FTO: variants seen among roughly 807,000 people sequenced by gnomAD.
FTO encodes the protein FTO alpha-ketoglutarate dependent dioxygenase.
Under a neutral mutation model 63.9 loss-of-function variants are expected in FTO, and 47 were observed. That is an observed-to-expected ratio of 0.74 (90% CI 0.58 to 0.94). The LOEUF (loss-of-function observed/expected upper bound fraction) is 0.94. FTO is among the 40% of genes least tolerant of loss of function. FTO has a pLI of 0.00. For synonymous variants in FTO, 207 were observed against 224.4 expected (o/e 0.92, Z 0.69); for missense variants, 562 against 618.1 (o/e 0.91, Z 0.96).
intron 8 of FTO, among the ~76,000 whole-genome samples, chr16:54,064,866 C>T (rs1421111722): frequency 6.6e-6 from 1 of 152,128 alleles, no homozygotes; most frequent in Admixed American, 6.5e-5. Context: ...CTGAAGGGAG[C>T]TCGGTGGCTG....
chr16:53,751,052 T>A (rs74449711), intron 1 of FTO, among the ~76,000 whole-genome samples: 1 of 152,192 alleles, frequency 6.6e-6, no homozygotes, highest in East Asian at 1.9e-4. Context: ...TTAAAACAGA[T>A]GTGTCCAATC....
intron 3 of FTO, among the ~76,000 whole-genome samples, chr16:53,827,066 A>C (rs1168152221): frequency 6.6e-6 from 1 of 152,212 alleles, no homozygotes; most frequent in African/African-American, 2.4e-5. Flanking sequence ...AGGTTTTGTA[A>C]GCAGACAGTC....
In FTO at chr16:53,825,947, T is replaced by C; in HGVS notation, c.207T>C (p.Phe69=). The C allele has an allele frequency of 5.0e-6, 8 of 1,614,164 alleles. No homozygotes were observed. The highest frequency in any genetic ancestry group is 5.9e-6 in the Non-Finnish European group (7 of 1,180,032). ...TCCATAAAGAGGTTCAAGAAGCCTTTCTCACACTGCACAAGCATGGCTGCT... is the reference window on the plus strand; with the variant it reads ...TCCATAAAGAGGTTCAAGAAGCCTTCCTCACACTGCACAAGCATGGCTGCT... The part of the protein sequence containing the change: ...EELHKEVQEA[F]LTLHKHGCLF... Residue 69 remains phenylalanine, a synonymous_variant, in exon 3 of 9, where the codon TTT becomes TTC. Transcript: ENST00000471389.
intron 4 of FTO, among the ~76,000 whole-genome samples, chr16:53,849,152 C>G (rs1016258697): frequency 3.9e-5 from 6 of 152,170 alleles, no homozygotes; most frequent in Non-Finnish European, 5.9e-5. Flanking sequence ...TATCAGGTAA[C>G]CAGGTCCCAG....
chr16:53,868,546 A>G (rs542861058), intron 4 of FTO, among the ~76,000 whole-genome samples: 21 of 148,154 alleles, frequency 1.4e-4, no homozygotes, highest in Non-Finnish European at 2.2e-4. Context: ...AAGCATAGAT[A>G]GGCACACATA....
rs531331187 is a variant in FTO, at chr16:54,117,115, T to C, written c.*5200T>C. The C allele has an allele frequency of 1.2e-4, 18 of 152,330 alleles. 1 individual carries two copies. The South Asian group carries it at 3.7e-3, about 32-fold the overall frequency. 9.4% of individuals were successfully genotyped at this position (152,330 alleles called of 1,614,324 possible). On this transcript the variant is annotated 3_prime_UTR_variant, in exon 9 of 9. Transcript: ENST00000471389. ...GGATTCCTGAGTGGCAGAAGAGGTT[T>C]TCTGAGTTTAAGTTCTGATTCTGTG...
intron 7 of FTO, among the ~76,000 whole-genome samples, chr16:53,898,402 CT>C (rs1382433681): frequency 1.3e-5 from 2 of 152,138 alleles, no homozygotes; most frequent in African/African-American, 4.8e-5. Context: ...TGACCAAGCA[CT>C]CTCTCATTGT....
intron 1 of FTO, among the ~76,000 whole-genome samples, chr16:53,737,562 T>C (rs1045537628): frequency 8.5e-5 from 13 of 152,240 alleles, no homozygotes; most frequent in African/African-American, 2.4e-4. Flanking sequence ...TGTAATCTTA[T>C]GGAAGTACTG....
intron 1 of FTO, among the ~76,000 whole-genome samples, chr16:53,711,910 G>A (rs2075784954): frequency 6.6e-6 from 1 of 152,166 alleles, no homozygotes; most frequent in Non-Finnish European, 1.5e-5. Context: ...AACTTTAAAT[G>A]ATAAGGTTTA....
At chr16:53,873,699 T>C in intron 4 of FTO, 87 bp from the exon 5 acceptor site, 3 of 985,124 alleles carry the variant, frequency 3.0e-6, no homozygotes, top group Non-Finnish European at 4.8e-6. Context: ...ATAGATTTAC[T>C]GTTTACTTTG....
intron 1 of FTO, among the ~76,000 whole-genome samples, chr16:53,758,604 A>T (rs1198221298): frequency 6.6e-6 from 1 of 152,184 alleles, no homozygotes; most frequent in African/African-American, 2.4e-5. Context: ...TCAGCTTCTG[A>T]TCTGTTTCAT....
chr16:54,066,854 C>A (rs1428158747), intron 8 of FTO, among the ~76,000 whole-genome samples: 1 of 152,234 alleles, frequency 6.6e-6, no homozygotes, highest in Admixed American at 6.5e-5. Flanking sequence ...GGCCTCCCAT[C>A]TCTGCAGCCC....
chr16:53,979,925 A>G (rs1177496523), intron 8 of FTO, among the ~76,000 whole-genome samples: 2 of 152,206 alleles, frequency 1.3e-5, no homozygotes, highest in Non-Finnish European at 2.9e-5. Context: ...TTGCTTCCAC[A>G]GGAAGCCTTA....
chr16:53,953,900 G>A (rs536404010), intron 8 of FTO, among the ~76,000 whole-genome samples: 1 of 152,338 alleles, frequency 6.6e-6, no homozygotes, highest in South Asian at 2.1e-4. Context: ...AATGTGTGGT[G>A]ATGCCAGCTA....
intron 4 of FTO, among the ~76,000 whole-genome samples, chr16:53,865,392 C>G (rs1324163011): frequency 6.6e-6 from 1 of 152,130 alleles, no homozygotes; most frequent in East Asian, 1.9e-4. Context: ...GCTTTTTATC[C>G]TCTATATTGT....
intron 3 of FTO, 132 bp from the exon 4 acceptor site, chr16:53,844,023 A>G (rs2079547852): frequency 1.4e-6 from 1 of 735,378 alleles, no homozygotes; most frequent in Non-Finnish European, 2.2e-6. Context: ...AAAATATGAC[A>G]TAAAGGGAAG....
At chr16:53,781,737 A>T (rs1358476882) in intron 1 of FTO, among the ~76,000 whole-genome samples, 4 of 152,132 alleles carry the variant, frequency 2.6e-5, no homozygotes, top group African/African-American at 9.7e-5. Context: ...TTTGTCACTA[A>T]CATGATTATG....
chr16:53,779,407 T>A (rs1272330304), intron 1 of FTO, among the ~76,000 whole-genome samples: 2 of 152,166 alleles, frequency 1.3e-5, no homozygotes, highest in Non-Finnish European at 2.9e-5. Context: ...TGGTCTTTAT[T>A]GTTAAAGAAG....
chr16:54,062,000 C>T (rs2085588433), intron 8 of FTO, among the ~76,000 whole-genome samples: 2 of 152,160 alleles, frequency 1.3e-5, no homozygotes, highest in South Asian at 4.1e-4. Flanking sequence ...TTTTGGTGTG[C>T]TGTTGTGGGA....
Sources: gnomAD v4.1 joint callset for allele counts (sites outside exome capture counted in the v4.1 genomes callset) on GRCh38, gnomAD v4.1.1 for gene constraint, MANE v1.5 for transcripts, NCBI Gene and HGNC (gene_info 2026-07-23, HGNC 2026-07-21) for gene names.